NTNG1: variants seen among roughly 807,000 people sequenced by gnomAD.
NTNG1 encodes the protein netrin-G1.
In NTNG1, 16 loss-of-function variants were observed where a neutral mutation model predicts 54.0. That is an observed-to-expected ratio of 0.30 (90% CI 0.20 to 0.45). The LOEUF is 0.45. NTNG1 is among the 20% of genes least tolerant of loss of function. The pLI is 1.00. For missense variants in NTNG1, 530 were observed against 678.7 expected, an observed-to-expected ratio of 0.78 and a Z score of 2.43; for synonymous variants, 255 against 263.1, an observed-to-expected ratio of 0.97 and a Z score of 0.30.
At chr1:107,381,193 A>G (rs1417279852) in intron 3 of NTNG1, among the ~76,000 whole-genome samples, 3 of 152,100 alleles carry the variant, frequency 2.0e-5, no homozygotes, top group African/African-American at 7.2e-5. Context: ...ATAAAACCAA[A>G]TGAAGAGCTT....
At chr1:107,332,428 G>C (rs143753394) in intron 3 of NTNG1, among the ~76,000 whole-genome samples, 407 of 152,118 alleles carry the variant, frequency 2.7e-3, no homozygotes, top group Non-Finnish European at 4.5e-3. Context: ...ATTTAACTTA[G>C]CATTTGTAAG....
chr1:107,190,860 T>C (rs1353829350), intron 2 of NTNG1, among the ~76,000 whole-genome samples: 1 of 152,212 alleles, frequency 6.6e-6, no homozygotes, highest in Non-Finnish European at 1.5e-5. Context: ...AAGTCTTTGC[T>C]ATTGTGAATA....
At chr1:107,317,139 A>G (rs892611646) in intron 2 of NTNG1, among the ~76,000 whole-genome samples, 10 of 152,234 alleles carry the variant, frequency 6.6e-5, no homozygotes, top group Admixed American at 2.0e-4. Context: ...TAGAGCTTTC[A>G]GGATCAAAAT....
Position 107,402,902 on chromosome 1 carries a change from C to T in NTNG1, c.1061-4780C>T, listed in dbSNP as rs12079997. On this transcript the variant is annotated intron_variant, in intron 4 of 7. Coordinates refer to ENST00000370068, the MANE Select transcript of NTNG1 (RefSeq NM_001113226.3). ...ATCTATCACAACAGTGGTAATTTTTCCTCTCAATTTGAAGCATGCCAAATC... is the reference window on the plus strand; with the variant it reads ...ATCTATCACAACAGTGGTAATTTTTTCTCTCAATTTGAAGCATGCCAAATC... 2.5e-3 allele frequency among the ~76,000 whole-genome samples: 374 copies of T among 152,172 alleles called. 3 individuals are homozygous for T. Among genetic ancestry groups the T allele is most frequent in the African/African-American group, 8.8e-3 (365 of 41,526 alleles).
chr1:107,371,009 A>T (rs190642775), intron 3 of NTNG1, among the ~76,000 whole-genome samples: 99 of 152,218 alleles, frequency 6.5e-4, no homozygotes, highest in Non-Finnish European at 1.1e-3. Flanking sequence ...TTTTACACAG[A>T]CAGTCAGAAG....
rs968592797 is a variant in NTNG1, at chr1:107,368,053, C to T, written c.888-27101C>T. On this transcript the variant is annotated intron_variant, in intron 3 of 7. Transcript: ENST00000370068. ...GATTACAGTCATGAGCCACCGTGCC[C>T]GGCCTAAAAACTTTAAACAAGGATG... 2.6e-5 allele frequency among the ~76,000 whole-genome samples: 4 copies of T among 152,088 alleles called. No individual in the cohort carries two copies. The East Asian group carries it at 7.7e-4, about 29-fold the overall frequency.
At chr1:107,216,390 G>C (rs903774554) in intron 2 of NTNG1, among the ~76,000 whole-genome samples, 2 of 152,082 alleles carry the variant, frequency 1.3e-5, no homozygotes, top group Non-Finnish European at 2.9e-5. Context: ...CTTTTTCTGA[G>C]TCTATTGAGA....
Position 107,368,136 on chromosome 1 carries a change from A to C in NTNG1, c.888-27018A>C, listed in dbSNP as rs943257533. ...CCCTTTCTTCTATCTTCATGTCCCC[A>C]TTATCTCCAGGATTCTTAGAGGATT... On this transcript the variant is annotated intron_variant, in intron 3 of 7. Transcript: ENST00000370068. Among the ~76,000 whole-genome samples, 7 of 152,008 alleles carry C rather than the reference A, an allele frequency of 4.6e-5. 1 individual carries two copies. Among genetic ancestry groups the C allele is most frequent in the Admixed American group, 2.6e-4 (4 of 15,272 alleles).
At chr1:107,231,624 A>C (rs1178853649) in intron 2 of NTNG1, among the ~76,000 whole-genome samples, 1 of 151,872 alleles carries the variant, frequency 6.6e-6, no homozygotes, top group Admixed American at 6.6e-5. Context: ...TTGTTAAATT[A>C]CATTGCCTCT....
chr1:107,283,187 G>A lies in NTNG1; in HGVS notation c.247-41095G>A, dbSNP rs148999849. The stretch of plus-strand genomic sequence containing the variant: ...TGAGAGTAGCACCCAGTCTTTCCCA[G>A]AGATAACCTTCCCTCTGATTTCTAC... On this transcript the variant is annotated intron_variant, in intron 2 of 7. Coordinates refer to ENST00000370068, the MANE Select transcript of NTNG1 (RefSeq NM_001113226.3). Among the ~76,000 whole-genome samples the A allele has an allele frequency of 6.7e-3, 1,020 of 152,240 alleles. 11 individuals carry two copies. The highest frequency in any genetic ancestry group is 0.023 in the African/African-American group (941 of 41,542).
At chr1:107,478,125 A>G (rs1027458079) in intron 7 of NTNG1, among the ~76,000 whole-genome samples, 1 of 152,192 alleles carries the variant, frequency 6.6e-6, no homozygotes, top group Non-Finnish European at 1.5e-5. Flanking sequence ...ATGATTATGA[A>G]TATCAGGTAA....
At chr1:107,422,963 T>C (rs1256762921) in intron 5 of NTNG1, among the ~76,000 whole-genome samples, 2 of 152,090 alleles carry the variant, frequency 1.3e-5, no homozygotes, top group Non-Finnish European at 2.9e-5. Context: ...AACATTCTTT[T>C]TCTTTCATTC....
chr1:107,142,768 A>ATTT (rs61137540), intron 1 of NTNG1, among the ~76,000 whole-genome samples: 4 of 138,498 alleles, frequency 2.9e-5, no homozygotes, highest in African/African-American at 1.2e-4. Context: ...CCAAAAAATA[A>ATTT]TTTTTTTTTT....
At chr1:107,205,712 A>C (rs1269881967) in intron 2 of NTNG1, among the ~76,000 whole-genome samples, 1 of 152,138 alleles carries the variant, frequency 6.6e-6, no homozygotes, top group East Asian at 1.9e-4. Context: ...TCACAAACTG[A>C]AAGTCACCAG....
chr1:107,220,248 T>C (rs1028903257), intron 2 of NTNG1, among the ~76,000 whole-genome samples: 2 of 152,180 alleles, frequency 1.3e-5, no homozygotes, highest in African/African-American at 4.8e-5. Flanking sequence ...CAGCTGGTGG[T>C]CAGAGCTGAG....
chr1:107,161,109 G>T (rs1302118851), intron 2 of NTNG1, among the ~76,000 whole-genome samples: 3 of 151,998 alleles, frequency 2.0e-5, no homozygotes, highest in Non-Finnish European at 2.9e-5. Flanking sequence ...AGCTCCAAAG[G>T]GTAGGAACTG....
chr1:107,360,982 C>T (rs1670226302), intron 3 of NTNG1, among the ~76,000 whole-genome samples: 1 of 151,582 alleles, frequency 6.6e-6, no homozygotes, highest in Non-Finnish European at 1.5e-5. Context: ...TAACTGCTAT[C>T]TCACTTCTTT....
chr1:107,453,128 A>C (rs1332827871), intron 7 of NTNG1, among the ~76,000 whole-genome samples: 5 of 152,222 alleles, frequency 3.3e-5, no homozygotes, highest in Non-Finnish European at 7.3e-5. Flanking sequence ...AGTGGTCAGC[A>C]TTAATCCTTT....
chr1:107,421,905 C>T lies in NTNG1; in HGVS notation c.1088-8845C>T, dbSNP rs538431356. ...TTTTGTTTTTTGTTTTTTCATAAAA[C>T]ACCTCTTACAAAGAAATGCATTTAT... On this transcript the variant is annotated intron_variant, in intron 5 of 7. Transcript: ENST00000370068. Among the ~76,000 whole-genome samples the T allele has an allele frequency of 3.3e-5, 5 of 152,122 alleles. No individual in the cohort carries two copies. In the East Asian group the frequency reaches 9.7e-4, roughly 29 times the overall value.
Sources: allele counts gnomAD v4.1 joint callset (sites outside exome capture counted in the v4.1 genomes callset), GRCh38; gene constraint gnomAD v4.1.1; transcripts MANE v1.5; gene names NCBI Gene and HGNC (gene_info 2026-07-23, HGNC 2026-07-21).